Variants in MLPH observed in about 807,000 individuals in gnomAD.
The protein encoded by MLPH is exophilin-3.
In MLPH, 51 loss-of-function variants were observed where a neutral mutation model predicts 72.1. The observed-to-expected ratio is 0.71, with a 90% CI of 0.56 to 0.89. The LOEUF (loss-of-function observed/expected upper bound fraction) is 0.89, where lower values mean the gene tolerates loss of function less well. MLPH is among the 40% of genes least tolerant of loss of function. The probability of loss-of-function intolerance (pLI) is 0.00; values close to 1 mark genes in which losing one functional copy is unlikely to be tolerated. For synonymous variants in MLPH, 301 were observed against 310.1 expected (o/e 0.97, Z 0.31); for missense variants, 743 against 759.9 (o/e 0.98, Z 0.26).
Position 237,518,579 on chromosome 2 carries a change from C to T in MLPH, c.486C>T (p.Ser162=), listed in dbSNP as rs376211913. Residue 162 remains serine (S), a synonymous_variant, in exon 5 of 16, where the codon AGC becomes AGT. Coordinates refer to ENST00000264605, the MANE Select transcript of MLPH (RefSeq NM_024101.7). ...TATCTGAAGAGAGAAGTGGAGACAG[C>T]GACCAGACAGATGAGGATGGAGAAC... ...ELISEERSGD[S]DQTDEDGEPG... The T allele has an allele frequency of 6.8e-6, 11 of 1,613,738 alleles. No individual in the cohort carries two copies. Among genetic ancestry groups the T allele is most frequent in the Admixed American group, 5.0e-5 (3 of 59,960 alleles).
Position 237,510,925 on chromosome 2 carries a change from GAGATT to G in MLPH, c.333-63_333-59del. 6.6e-7 allele frequency: 1 copy of G among 1,518,812 alleles called. No individual in the cohort carries two copies. The highest frequency in any genetic ancestry group is 9.1e-7 in the Non-Finnish European group (1 of 1,094,866). The allele number at this position is 1,518,812 out of a possible 1,614,324, so 94.1% of individuals were successfully genotyped here. On this transcript the variant is annotated intron_variant, in intron 3 of 15. Coordinates refer to ENST00000264605, the MANE Select transcript of MLPH (RefSeq NM_024101.7). The surrounding 1 kb of genome is among the most constrained non-coding windows in gnomAD (Gnocchi z 4.4). ...CGTGTGTGTGTGTGTGTGTGTGTGT[GAGATT>G]TATGCAGGCCTGTGTACAGCACTCA...
intron 2 of MLPH, among the ~76,000 whole-genome samples, chr2:237,504,448 C>A (rs973485005): frequency 6.6e-6 from 1 of 152,182 alleles, no homozygotes; most frequent in African/African-American, 2.4e-5. Flanking sequence ...GAACTCCTGA[C>A]CTCAGGTGAT....
chr2:237,504,324 C>T (rs2079716606), intron 2 of MLPH, among the ~76,000 whole-genome samples: 1 of 152,202 alleles, frequency 6.6e-6, no homozygotes, highest in South Asian at 2.1e-4. Flanking sequence ...TTAAGCGATT[C>T]TCCTGTCTCA....
chr2:237,500,126 A>C (rs183500263), intron 2 of MLPH, among the ~76,000 whole-genome samples: 1 of 152,310 alleles, frequency 6.6e-6, no homozygotes, highest in East Asian at 1.9e-4. Flanking sequence ...CCCTCTCTGG[A>C]TGTGGCTCTA....
chr2:237,490,151 C>T (rs2079400073), intron 1 of MLPH, among the ~76,000 whole-genome samples: 1 of 152,180 alleles, frequency 6.6e-6, no homozygotes, highest in Non-Finnish European at 1.5e-5. Flanking sequence ...TCCCCCAGCA[C>T]ATACTCTGGG....
At chr2:237,519,873 C>T in intron 5 of MLPH, 37 bp from the exon 6 acceptor site, 1 of 1,613,796 alleles carries the variant, frequency 6.2e-7, no homozygotes, top group Non-Finnish European at 8.5e-7. Context: ...TCAAGCTAGC[C>T]CTGACTTGAG....
At chr2:237,539,317 G>A (rs965664629) in intron 9 of MLPH, among the ~76,000 whole-genome samples, 3 of 152,230 alleles carry the variant, frequency 2.0e-5, no homozygotes, top group African/African-American at 7.2e-5. Flanking sequence ...GATCCCGGGG[G>A]CCTCGCGTAG....
intron 13 of MLPH, 109 bp from the exon 14 acceptor site, chr2:237,549,112 G>C: frequency 2.1e-6 from 2 of 930,344 alleles, no homozygotes; most frequent in Non-Finnish European, 3.5e-6. Flanking sequence ...GCAGAAAATA[G>C]TGGCCATGGT....
intron 2 of MLPH, chr2:237,507,191 T>C (rs1199668276): frequency 1.0e-4 from 15 of 148,668 alleles, no homozygotes; most frequent in African/African-American, 3.5e-4. Flanking sequence ...CTCAGCCTCC[T>C]AAGTAGCTGT....
chr2:237,517,685 GTGGATGGA>G (rs58713081), intron 4 of MLPH, among the ~76,000 whole-genome samples: 2,096 of 137,544 alleles, frequency 0.015, 53 homozygotes, highest in African/African-American at 0.048. Context: ...GGGTAGATGG[GTGGATGGA>G]TGGATGGATG....
At chr2:237,501,385 G>C (rs2079643387) in intron 2 of MLPH, among the ~76,000 whole-genome samples, 1 of 151,682 alleles carries the variant, frequency 6.6e-6, no homozygotes, top group South Asian at 2.1e-4. Flanking sequence ...GGGTTACCCA[G>C]CTGTGATGAA....
chr2:237,519,844 G>C, intron 5 of MLPH, 66 bp from the exon 6 acceptor site: 1 of 1,612,490 alleles, frequency 6.2e-7, no homozygotes, highest in East Asian at 2.2e-5. Context: ...GGGAGGTGCA[G>C]GGTATTTGGT....
intron 8 of MLPH, among the ~76,000 whole-genome samples, chr2:237,527,945 C>T (rs113460537): frequency 6.6e-6 from 1 of 152,232 alleles, no homozygotes; most frequent in South Asian, 2.1e-4. Context: ...TATTATTCAC[C>T]CCTAAAAAGG....
chr2:237,554,288 A>G lies in MLPH; in HGVS notation c.*696A>G, dbSNP rs571071898. The G allele has an allele frequency of 4.2e-5, 7 of 167,246 alleles. No homozygotes were observed. The East Asian group carries it at 1.1e-3, about 26-fold the overall frequency. The allele number at this position is 167,246 out of a possible 1,614,324, so 10.4% of individuals were successfully genotyped here. A position where few individuals can be genotyped will look rare whatever the true frequency, so the allele number is the denominator to read the frequency against. ...GCTAGTGCAGAGAGCCTGCTGGGAG[A>G]CGAAGAGACAGCAGGCAGAGCTCCA... On this transcript the variant is annotated 3_prime_UTR_variant, in exon 16 of 16. Transcript: ENST00000264605.
At chr2:237,519,716 C>A (rs1375638816) in intron 5 of MLPH, among the ~76,000 whole-genome samples, 194 bp from the exon 6 acceptor site, 1 of 152,198 alleles carries the variant, frequency 6.6e-6, no homozygotes, top group African/African-American at 2.4e-5. Context: ...CCGTGAGCAC[C>A]AACCAGTCCC....
Position 237,497,497 on chromosome 2 carries a change from G to A in MLPH, c.110+3961G>A, listed in dbSNP as rs769234194. On this transcript the variant is annotated intron_variant, in intron 2 of 15. Coordinates refer to ENST00000264605, the MANE Select transcript of MLPH (RefSeq NM_024101.7). ...TGGCAGGGCCCCAGCGTGTGGGCACGCATCAGGTGCAGGTGACTTGAGCAC... is the reference window on the plus strand; with the variant it reads ...TGGCAGGGCCCCAGCGTGTGGGCACACATCAGGTGCAGGTGACTTGAGCAC... Among the ~76,000 whole-genome samples, 11 of 152,210 alleles carry A rather than the reference G, an allele frequency of 7.2e-5. No homozygotes were observed. In the East Asian group the frequency reaches 7.7e-4, roughly 11 times the overall value.
chr2:237,488,843 G>A (rs543729417), intron 1 of MLPH, among the ~76,000 whole-genome samples: 2 of 152,304 alleles, frequency 1.3e-5, no homozygotes, highest in South Asian at 2.1e-4. Context: ...CAACCACAAT[G>A]CAATAACGGC....
At chr2:237,519,789 G>A in intron 5 of MLPH, 121 bp from the exon 6 acceptor site, 4 of 1,404,682 alleles carry the variant, frequency 2.8e-6, no homozygotes, top group Non-Finnish European at 4.0e-6. Context: ...GGATGTGCTG[G>A]GAGAGGAGCC....
chr2:237,518,893 C>T (rs537555429), intron 5 of MLPH, among the ~76,000 whole-genome samples: 1 of 152,172 alleles, frequency 6.6e-6, no homozygotes, highest in African/African-American at 2.4e-5. Context: ...ATGGGCAAAG[C>T]CTACTGAGTG....
Sources: allele counts gnomAD v4.1 joint callset (sites outside exome capture counted in the v4.1 genomes callset), GRCh38; gene constraint gnomAD v4.1.1; non-coding constraint Gnocchi (gnomAD v3.1); transcripts MANE v1.5; gene names NCBI Gene and HGNC (gene_info 2026-07-23, HGNC 2026-07-21).